Variants in ADAM9 observed in about 807,000 individuals in gnomAD.
ADAM9 encodes the protein disintegrin and metalloproteinase domain-containing protein 9.
In ADAM9, 54 loss-of-function variants were observed where a neutral mutation model predicts 108.1. That is an observed-to-expected ratio of 0.50 (90% CI 0.40 to 0.63). The LOEUF is 0.63. ADAM9 is among the 20% of genes least tolerant of loss of function. The pLI is 0.00. For missense variants in ADAM9, 830 were observed against 997.7 expected (o/e 0.83, Z 2.26); for synonymous variants, 316 against 336.0 (o/e 0.94, Z 0.65).
At chr8:39,081,269 G>T (rs1297530627) in intron 16 of ADAM9, among the ~76,000 whole-genome samples, 1 of 152,074 alleles carries the variant, frequency 6.6e-6, no homozygotes, top group South Asian at 2.1e-4. Context: ...GAGTTTTTGG[G>T]TGTATTCCTT....
intron 14 of ADAM9, among the ~76,000 whole-genome samples, chr8:39,061,316 T>C (rs1564330880): frequency 6.6e-6 from 1 of 152,148 alleles, no homozygotes; most frequent in African/African-American, 2.4e-5. Flanking sequence ...GTTTCAATTA[T>C]GCATTCTGGA....
intron 1 of ADAM9, among the ~76,000 whole-genome samples, chr8:38,997,786 C>T (rs1183224962): frequency 6.6e-6 from 1 of 152,204 alleles, no homozygotes; most frequent in African/African-American, 2.4e-5. Flanking sequence ...CTTTCTATAG[C>T]CAAACCATTC....
chr8:39,090,007 A>G (rs1839297234), intron 18 of ADAM9, 40 bp from the exon 19 acceptor site: 1 of 1,605,032 alleles, frequency 6.2e-7, no homozygotes, highest in African/African-American at 1.3e-5. Context: ...TCTGCCTAGT[A>G]TGAGTTTGGT....
intron 12 of ADAM9, among the ~76,000 whole-genome samples, chr8:39,050,924 C>T (rs905932995): frequency 1.4e-5 from 2 of 144,326 alleles, no homozygotes; most frequent in East Asian, 2.2e-4. Flanking sequence ...CAACCACCTT[C>T]ATTCTTTGTA....
At chr8:39,028,953 A>C (rs953327466) in intron 11 of ADAM9, among the ~76,000 whole-genome samples, 2 of 152,142 alleles carry the variant, frequency 1.3e-5, no homozygotes, top group African/African-American at 4.8e-5. Flanking sequence ...CACTCCCCTA[A>C]AGTCAACCCT....
chr8:39,083,594 G>A (rs1286158888), intron 18 of ADAM9, among the ~76,000 whole-genome samples: 1 of 151,978 alleles, frequency 6.6e-6, no homozygotes, highest in African/African-American at 2.4e-5. Flanking sequence ...TCACATTGTT[G>A]GCCCTTGGCT....
intron 6 of ADAM9, among the ~76,000 whole-genome samples, chr8:39,017,962 A>G (rs910612084): frequency 2.0e-5 from 3 of 152,202 alleles, no homozygotes; most frequent in Non-Finnish European, 2.9e-5. Flanking sequence ...GATTGGAAAA[A>G]GAGAGAGATA....
intron 15 of ADAM9, among the ~76,000 whole-genome samples, chr8:39,072,244 C>T (rs1055683578): frequency 6.6e-6 from 1 of 152,278 alleles, no homozygotes; most frequent in Admixed American, 6.5e-5. Flanking sequence ...TTATTTTCTT[C>T]TTCACACTAA....
chr8:39,045,134 A>T (rs1837629313), intron 12 of ADAM9, among the ~76,000 whole-genome samples: 1 of 103,548 alleles, frequency 9.7e-6, no homozygotes, highest in South Asian at 3.2e-4. Flanking sequence ...GTGCATACAT[A>T]CATATATGTG....
chr8:38,997,124 G>C lies in ADAM9; in HGVS notation c.61G>C (p.Gly21Arg). The C allele has an allele frequency of 6.2e-7, 1 of 1,604,088 alleles. No homozygotes were observed. The highest frequency in any genetic ancestry group is 8.5e-7 in the Non-Finnish European group (1 of 1,179,480). Residue 21 changes from glycine (G) to arginine (R), a missense_variant, in exon 1 of 22, where the codon GGC becomes CGC. Transcript: ENST00000487273. ...TLRVRWLLLLGLVGPVLGAAR... is the reference protein window; with the variant it reads ...TLRVRWLLLLRLVGPVLGAAR... ...TCGTGTCCGGTGGTTGCTGTTGCTT[G>C]GCCTGGTGGGCCCAGTCCTCGGTGC... is the stretch of plus-strand genomic sequence containing the variant.
intron 11 of ADAM9, among the ~76,000 whole-genome samples, chr8:39,036,260 TTTC>T (rs1340843627): frequency 6.6e-6 from 1 of 152,160 alleles, no homozygotes; most frequent in Non-Finnish European, 1.5e-5. Context: ...GAAAAATGGC[TTTC>T]TTAACTCTGC....
At chr8:39,007,805 A>G (rs1836211336) in intron 1 of ADAM9, 81 bp from the exon 2 acceptor site, 3 of 958,336 alleles carry the variant, frequency 3.1e-6, no homozygotes, top group Non-Finnish European at 3.3e-6. Context: ...TGTGATTTGA[A>G]CATTTTGATT....
At chr8:39,073,085 G>A (rs1291518308) in intron 15 of ADAM9, among the ~76,000 whole-genome samples, 2 of 152,152 alleles carry the variant, frequency 1.3e-5, no homozygotes, top group Non-Finnish European at 2.9e-5. Flanking sequence ...CTTAATACCA[G>A]ACCAATATAT....
chr8:39,071,633 A>T (rs1249541000), intron 15 of ADAM9, among the ~76,000 whole-genome samples: 1 of 151,932 alleles, frequency 6.6e-6, no homozygotes, highest in African/African-American at 2.4e-5. Flanking sequence ...CGCCCAGCTA[A>T]TTTTTTGTAT....
intron 1 of ADAM9, among the ~76,000 whole-genome samples, chr8:39,004,847 C>A (rs533516080): frequency 2.0e-5 from 3 of 152,190 alleles, no homozygotes; most frequent in Non-Finnish European, 4.4e-5. Flanking sequence ...ATATAATGAG[C>A]AGTGAGGACG....
At chr8:39,056,793 T>C (rs1247037889) in intron 14 of ADAM9, among the ~76,000 whole-genome samples, 1 of 152,160 alleles carries the variant, frequency 6.6e-6, no homozygotes, top group Non-Finnish European at 1.5e-5. Context: ...ATTCTATTTA[T>C]TTCAATTTGT....
rs751847203 is a variant in ADAM9 at position 39,101,844 on chromosome 8, A to ATTTTTTT, written c.2299-15_2299-9dup. ...ATGAGCACATAGTGGTAATAACCTT[A>ATTTTTTT]TTTTTTTTTTCTTTTTAGCCTATAT... On this transcript the variant is annotated intron_variant, in intron 20 of 21. Coordinates refer to ENST00000487273, the MANE Select transcript of ADAM9 (RefSeq NM_003816.3). The ATTTTTTT allele has an allele frequency of 5.4e-6, 8 of 1,478,298 alleles. No homozygotes were observed. The highest frequency in any genetic ancestry group is 6.5e-6 in the Non-Finnish European group (7 of 1,073,132). The allele number at this position is 1,478,298 out of a possible 1,614,324, so 91.6% of individuals were successfully genotyped here.
chr8:39,044,773 T>C (rs1341608870), intron 12 of ADAM9, among the ~76,000 whole-genome samples: 1 of 152,150 alleles, frequency 6.6e-6, no homozygotes, highest in African/African-American at 2.4e-5. Flanking sequence ...GATAATGGCC[T>C]CCAGCTCCAT....
intron 20 of ADAM9, among the ~76,000 whole-genome samples, chr8:39,094,943 T>C (rs1416252543): frequency 1.3e-5 from 2 of 152,192 alleles, no homozygotes; most frequent in African/African-American, 2.4e-5. Context: ...TTTCTTCTAC[T>C]AACTTTAGGC....
Sources: gnomAD v4.1 joint callset for allele counts (sites outside exome capture counted in the v4.1 genomes callset) on GRCh38, gnomAD v4.1.1 for gene constraint, MANE v1.5 for transcripts, NCBI Gene and HGNC (gene_info 2026-07-23, HGNC 2026-07-21) for gene names.